WDR3: variants seen among roughly 807,000 people sequenced by gnomAD.
The protein encoded by WDR3 is WD repeat domain 3.
Under a neutral mutation model 123.7 loss-of-function variants are expected in WDR3, and 81 were observed. The ratio of observed to expected loss-of-function variants is 0.65; its 90% confidence interval spans 0.55 to 0.79. The LOEUF (loss-of-function observed/expected upper bound fraction) is 0.79, where lower values mean the gene tolerates loss of function less well. WDR3 is among the 30% of genes least tolerant of loss of function. The pLI is 0.00. For synonymous variants in WDR3, 390 were observed against 388.8 expected, an observed-to-expected ratio of 1.00 and a Z score of -0.04; for missense variants, 1,027 against 1,123.2, an observed-to-expected ratio of 0.91 and a Z score of 1.22.
intron 21 of WDR3, 28 bp from the exon 22 acceptor site, chr1:117,953,979 G>T: frequency 6.3e-7 from 1 of 1,582,068 alleles, no homozygotes; most frequent in South Asian, 1.1e-5. Context: ...ATGTTGTGAT[G>T]ACTTCTTTCC....
intron 11 of WDR3, among the ~76,000 whole-genome samples, chr1:117,944,702 T>C (rs74113101): frequency 0.025 from 3,783 of 152,232 alleles, 154 homozygotes; most frequent in African/African-American, 0.084. Flanking sequence ...GATTTTCTTT[T>C]ATTTATTTAT....
intron 1 of WDR3, among the ~76,000 whole-genome samples, chr1:117,931,413 A>G (rs1333181179): frequency 6.6e-6 from 1 of 152,210 alleles, no homozygotes; most frequent in Non-Finnish European, 1.5e-5. Context: ...TTAATAATTC[A>G]AAGGTTATTA....
At position 117,955,304 on chromosome 1, in the gene WDR3, T is replaced by C. The variant is rs374575078; in HGVS notation, c.2410-11T>C. On this transcript the variant is annotated splice_polypyrimidine_tract_variant and intron_variant, in intron 23 of 26. Coordinates refer to ENST00000349139, the MANE Select transcript of WDR3 (RefSeq NM_006784.3). ...AGAGTATCACTAATGGTATTAATCC[T>C]TCCTTTATAGCCTTCAGCTTATGTA... 1 of 1,610,196 alleles carries C rather than the reference T, an allele frequency of 6.2e-7. No homozygotes were observed. The highest frequency in any genetic ancestry group is 8.5e-7 in the Non-Finnish European group (1 of 1,177,760).
intron 21 of WDR3, 56 bp from the exon 22 acceptor site, chr1:117,953,951 G>A: frequency 6.8e-7 from 1 of 1,465,536 alleles, no homozygotes; most frequent in Non-Finnish European, 9.4e-7. Context: ...CAGTTTCAGT[G>A]TCCTGGGATG....
rs1352033389 is a variant in WDR3, at chr1:117,965,985, A to G, written c.*6538A>G. On this transcript the variant is annotated 3_prime_UTR_variant, in exon 27 of 27. Transcript: ENST00000349139. Reference sequence around the variant, plus strand: ...CGTCAATCAAGTTTTCACATTCTATAAGATCCAGCTCAAAAATCAAATAAA... The same window carrying G: ...CGTCAATCAAGTTTTCACATTCTATGAGATCCAGCTCAAAAATCAAATAAA... 1 of 152,224 alleles carries G rather than the reference A, an allele frequency of 6.6e-6. No individual in the cohort carries two copies. The highest frequency in any genetic ancestry group is 1.5e-5 in the Non-Finnish European group (1 of 68,036). The allele number at this position is 152,224 out of a possible 1,614,324, so 9.4% of individuals were successfully genotyped here.
At chr1:117,959,242 T>A in intron 26 of WDR3, 50 bp from the exon 27 acceptor site, 1 of 1,583,122 alleles carries the variant, frequency 6.3e-7, no homozygotes, top group Non-Finnish European at 8.6e-7. Flanking sequence ...GCTGCTATAA[T>A]GAATTGAAGT....
intron 9 of WDR3, 31 bp downstream of exon 9, chr1:117,941,878 G>A: frequency 6.3e-7 from 1 of 1,580,582 alleles, no homozygotes. Flanking sequence ...CATTAATAAT[G>A]AAGTATCCTG....
chr1:117,963,972 A>C lies in WDR3; in HGVS notation c.*4525A>C. On this transcript the variant is annotated 3_prime_UTR_variant, in exon 27 of 27. Transcript: ENST00000349139. The stretch of plus-strand genomic sequence containing the variant: ...CTTGTTAAGGGCTGTGCTTTTCATG[A>C]CTAAATTATTTGCATATATAAACCT... 1 of 1,589,808 alleles carries C rather than the reference A, an allele frequency of 6.3e-7. No homozygotes were observed. The highest frequency in any genetic ancestry group is 1.4e-5 in the African/African-American group (1 of 73,674).
intron 1 of WDR3, among the ~76,000 whole-genome samples, chr1:117,931,073 C>T (rs1362596438): frequency 6.6e-6 from 1 of 152,194 alleles, no homozygotes; most frequent in African/African-American, 2.4e-5. Context: ...TCAGCCTCCC[C>T]GAGTGCGTCA....
Position 117,954,647 on chromosome 1 carries a change from G to A in WDR3, c.2409+20G>A, listed in dbSNP as rs1234182863. 8.7e-6 allele frequency: 14 copies of A among 1,606,670 alleles called. No individual in the cohort carries two copies. Among genetic ancestry groups the A allele is most frequent in the Non-Finnish European group, 1.2e-5 (14 of 1,176,712 alleles). ...ATCTCAGTGAGTAAAATGTCTAACGGTTTTCCTTTGTTTATTAAAAGGTTA... is the reference window on the plus strand; with the variant it reads ...ATCTCAGTGAGTAAAATGTCTAACGATTTTCCTTTGTTTATTAAAAGGTTA... On this transcript the variant is annotated intron_variant, in intron 23 of 26. Coordinates refer to ENST00000349139, the MANE Select transcript of WDR3 (RefSeq NM_006784.3).
chr1:117,939,598 A>G (rs1407568672), intron 6 of WDR3, 26 bp downstream of exon 6: 2 of 1,607,604 alleles, frequency 1.2e-6, no homozygotes. Flanking sequence ...AATCATGGGC[A>G]ATATGTTTAG....
intron 12 of WDR3, among the ~76,000 whole-genome samples, chr1:117,946,617 T>C (rs1006477228): frequency 1.3e-5 from 2 of 152,034 alleles, no homozygotes; most frequent in Non-Finnish European, 2.9e-5. Context: ...TAAGCAGATA[T>C]GGATTTGGAT....
At position 117,958,961 on chromosome 1, in the gene WDR3, A is replaced by G; in HGVS notation, c.2634A>G (p.Glu878=). 6.2e-7 allele frequency: 1 copy of G among 1,614,040 alleles called. No homozygotes were observed. Among genetic ancestry groups the G allele is most frequent in the Non-Finnish European group, 8.5e-7 (1 of 1,179,962 alleles). The part of the protein sequence containing the change: ...TSNQMLVPVI[E]KLRETTISKV... ...ATCAAATGCTTGTGCCAGTGATAGAAAAATTAAGGGAAACAACTATTTCAA... is the reference window on the plus strand; with the variant it reads ...ATCAAATGCTTGTGCCAGTGATAGAGAAATTAAGGGAAACAACTATTTCAA... Residue 878 remains glutamate, a synonymous_variant, in exon 26 of 27, where the codon GAA becomes GAG. Transcript: ENST00000349139.
At position 117,953,492 on chromosome 1, in the gene WDR3, A is replaced by G. The variant is rs1344284207; in HGVS notation, c.2219A>G (p.Gln740Arg). 1 of 1,612,836 alleles carries G rather than the reference A, an allele frequency of 6.2e-7. No individual in the cohort carries two copies. The highest frequency in any genetic ancestry group is 2.2e-5 in the East Asian group (1 of 44,818). ...EDQPAVPGET[Q>R]GDSYFTGKKT... The stretch of plus-strand genomic sequence containing the variant: ...TTCTGGCAGGTTCCAGGAGAGACTC[A>G]AGGTGACAGTTACTTTACTGGAAAG... Residue 740 changes from glutamine to arginine, a missense_variant, in exon 21 of 27, where the codon CAA becomes CGA. Gln to Arg is a conservative substitution (Grantham distance 43). Coordinates refer to ENST00000349139, the MANE Select transcript of WDR3 (RefSeq NM_006784.3).
rs764552415 is a variant in WDR3 at position 117,950,001 on chromosome 1, T to C, written c.1617T>C (p.Ser539=). The change falls in exon 15 of 27, where the codon TCT becomes TCC. Residue 539 remains serine (S), a synonymous_variant. Transcript: ENST00000349139. ...ATGTTTTTTGTGGTGCTAGACTTTCTGTGAAGCAAACCCGAACTTTGCAAC... is the reference window on the plus strand; with the variant it reads ...ATGTTTTTTGTGGTGCTAGACTTTCCGTGAAGCAAACCCGAACTTTGCAAC... The part of the protein sequence containing the change: ...KDENSTQKRL[S]VKQTRTLQLD... 10 of 1,614,004 alleles carry C rather than the reference T, an allele frequency of 6.2e-6. No individual in the cohort carries two copies. The highest frequency in any genetic ancestry group is 8.5e-6 in the Non-Finnish European group (10 of 1,179,938).
chr1:117,950,156 T>C (rs777334212), intron 15 of WDR3, 26 bp downstream of exon 15: 2 of 1,611,146 alleles, frequency 1.2e-6, no homozygotes, highest in African/African-American at 2.7e-5. Flanking sequence ...CTGCGGATAT[T>C]TTCCCTTTCT....
chr1:117,955,697 T>A (rs1160536970), intron 24 of WDR3, among the ~76,000 whole-genome samples: 1 of 152,128 alleles, frequency 6.6e-6, no homozygotes, highest in African/African-American at 2.4e-5. Flanking sequence ...TGGAATATTA[T>A]ATAAAGTTTT....
At chr1:117,952,234 G>A (rs879149403) in intron 17 of WDR3, 63 bp from the exon 18 acceptor site, 3 of 1,500,614 alleles carry the variant, frequency 2.0e-6, no homozygotes, top group South Asian at 2.4e-5. Flanking sequence ...CTATTTATGT[G>A]TGTAAAACTC....
At chr1:117,930,950 T>G (rs1362395278) in intron 1 of WDR3, among the ~76,000 whole-genome samples, 1 of 152,102 alleles carries the variant, frequency 6.6e-6, no homozygotes, top group Non-Finnish European at 1.5e-5. Context: ...TTGTGGAGAA[T>G]TTGTTTATTT....
Sources: allele counts gnomAD v4.1 joint callset (sites outside exome capture counted in the v4.1 genomes callset), GRCh38; gene constraint gnomAD v4.1.1; transcripts MANE v1.5; gene names NCBI Gene and HGNC (gene_info 2026-07-23, HGNC 2026-07-21).